SNTG1: variants seen among roughly 807,000 people sequenced by gnomAD.
SNTG1 encodes syntrophin gamma 1.
SNTG1 carries 39 observed loss-of-function variants against 74.7 expected under a neutral mutation model. The ratio of observed to expected loss-of-function variants is 0.52; its 90% CI spans 0.40 to 0.68. SNTG1 has a LOEUF of 0.68. Ranked by LOEUF, SNTG1 falls within the 30% of genes least tolerant of loss-of-function variation. SNTG1 has a pLI of 0.00. For synonymous variants in SNTG1, 254 were observed against 217.1 expected, an observed-to-expected ratio of 1.17 and a Z score of -1.49; for missense variants, 685 against 609.5, an observed-to-expected ratio of 1.12 and a Z score of -1.30.
chr8:50,389,118 C>T (rs1475120799), intron 2 of SNTG1, among the ~76,000 whole-genome samples: 2 of 152,076 alleles, frequency 1.3e-5, no homozygotes, highest in Non-Finnish European at 2.9e-5. Context: ...GCATGTGAGG[C>T]CTGTAGAGAA....
At chr8:50,076,419 A>G (rs1250117677) in intron 1 of SNTG1, among the ~76,000 whole-genome samples, 1 of 152,222 alleles carries the variant, frequency 6.6e-6, no homozygotes, top group Non-Finnish European at 1.5e-5. Context: ...TTCCAATGCA[A>G]TGAATTGGTC....
chr8:50,456,671 T>C (rs879323698), intron 8 of SNTG1, among the ~76,000 whole-genome samples: 1 of 152,120 alleles, frequency 6.6e-6, no homozygotes, highest in Admixed American at 6.5e-5. Context: ...ACCACCACAA[T>C]GGGGGTCAAG....
At chr8:50,489,854 T>A (rs2093835200) in intron 8 of SNTG1, among the ~76,000 whole-genome samples, 3 of 152,196 alleles carry the variant, frequency 2.0e-5, no homozygotes. Context: ...CATGCCTATG[T>A]CCTGACTGGT....
Position 50,438,612 on chromosome 8 carries a change from T to A in SNTG1, c.219+13T>A. On this transcript the variant is annotated intron_variant, in intron 5 of 18. Coordinates refer to ENST00000642720, the MANE Select transcript of SNTG1 (RefSeq NM_018967.5). The stretch of plus-strand genomic sequence containing the variant: ...ATTAAGCATAAAGGTAGCCTGCCTT[T>A]CTAGTCTATCCTTACAAAGGCCATG... The A allele has an allele frequency of 6.2e-7, 1 of 1,609,062 alleles. No homozygotes were observed. The highest frequency in any genetic ancestry group is 8.5e-7 in the Non-Finnish European group (1 of 1,175,996).
intron 15 of SNTG1, among the ~76,000 whole-genome samples, chr8:50,691,001 A>G (rs192692004): frequency 6.6e-6 from 1 of 152,328 alleles, no homozygotes; most frequent in East Asian, 1.9e-4. Flanking sequence ...ACCATTATGT[A>G]ACGGCCTTCT....
At chr8:49,938,651 T>TTC (rs1563371342) in intron 1 of SNTG1, among the ~76,000 whole-genome samples, 4 of 52,630 alleles carry the variant, frequency 7.6e-5, no homozygotes, top group African/African-American at 1.6e-4. Flanking sequence ...TTCCTTCCTC[T>TTC]CTCTCTCTCT....
intron 1 of SNTG1, among the ~76,000 whole-genome samples, chr8:49,935,460 A>G (rs111945196): frequency 6.4e-5 from 9 of 141,322 alleles, no homozygotes; most frequent in African/African-American, 1.6e-4. Flanking sequence ...GAAGAATTTT[A>G]CAAATGGGAA....
At chr8:50,420,602 A>G (rs2093069573) in intron 4 of SNTG1, among the ~76,000 whole-genome samples, 1 of 152,188 alleles carries the variant, frequency 6.6e-6, no homozygotes, top group African/African-American at 2.4e-5. Flanking sequence ...ATTAAAATAT[A>G]TGTAAATATA....
chr8:50,469,947 C>T lies in SNTG1; in HGVS notation c.363+19218C>T, dbSNP rs574845650. ...GAGCCAAGATGGTGCCACTGCACTC[C>T]AGCCTGGGCAAGAGAGAGGCTGTCT... On this transcript the variant is annotated intron_variant, in intron 8 of 18. Transcript: ENST00000642720. 9.8e-5 allele frequency among the ~76,000 whole-genome samples: 15 copies of T among 152,292 alleles called. No homozygotes were observed. The South Asian group carries it at 3.1e-3, about 32-fold the overall frequency.
intron 2 of SNTG1, among the ~76,000 whole-genome samples, chr8:50,336,724 T>C (rs1051003021): frequency 1.3e-5 from 2 of 152,200 alleles, no homozygotes; most frequent in Non-Finnish European, 2.9e-5. Flanking sequence ...ATAACAGATT[T>C]ATTGAATGTA....
chr8:50,481,337 C>T (rs538610454), intron 8 of SNTG1, among the ~76,000 whole-genome samples: 5 of 152,180 alleles, frequency 3.3e-5, no homozygotes, highest in African/African-American at 7.2e-5. Flanking sequence ...GCGGAGATCA[C>T]GCCATTGCAC....
At chr8:50,596,213 C>A (rs1316281982) in intron 13 of SNTG1, among the ~76,000 whole-genome samples, 1 of 151,926 alleles carries the variant, frequency 6.6e-6, no homozygotes, top group Admixed American at 6.6e-5. Context: ...TGATGTTGAG[C>A]ATCTTTTCAT....
intron 1 of SNTG1, among the ~76,000 whole-genome samples, chr8:49,928,780 A>C (rs1807286292): frequency 6.6e-6 from 1 of 152,134 alleles, no homozygotes; most frequent in Non-Finnish European, 1.5e-5. Context: ...AATATTTTTT[A>C]AATCAGAAAA....
chr8:50,064,414 G>T lies in SNTG1; in HGVS notation c.-102-108147G>T, dbSNP rs571159870. On this transcript the variant is annotated intron_variant, in intron 1 of 18. Coordinates refer to ENST00000642720, the MANE Select transcript of SNTG1 (RefSeq NM_018967.5). The stretch of plus-strand genomic sequence containing the variant: ...CCATCTCCTTCTGCTTACCTTGATG[G>T]CTCCCACCATCACTCCTACATAGAT... 1.6e-4 allele frequency among the ~76,000 whole-genome samples: 24 copies of T among 151,944 alleles called. No homozygotes were observed. In the East Asian group the frequency reaches 4.7e-3, roughly 30 times the overall value.
rs537086979 is a variant in SNTG1, at chr8:50,284,040, C to T, written c.-27-110172C>T. Among the ~76,000 whole-genome samples, 5 of 152,020 alleles carry T rather than the reference C, an allele frequency of 3.3e-5. No individual in the cohort carries two copies. In the South Asian group the frequency reaches 1.0e-3, roughly 32 times the overall value. ...TTAACTTAATGTTCTTGTCCCAGTC[C>T]ACGATGCCTTCCAGGATAACACATA... On this transcript the variant is annotated intron_variant, in intron 2 of 18. Coordinates refer to ENST00000642720, the MANE Select transcript of SNTG1 (RefSeq NM_018967.5).
intron 2 of SNTG1, among the ~76,000 whole-genome samples, chr8:50,206,066 C>T (rs2084218755): frequency 6.6e-6 from 1 of 152,068 alleles, no homozygotes; most frequent in Non-Finnish European, 1.5e-5. Context: ...TTTTTGGTTC[C>T]ATATGAACTT....
chr8:50,688,410 A>C (rs2095362413), intron 15 of SNTG1, among the ~76,000 whole-genome samples: 1 of 152,176 alleles, frequency 6.6e-6, no homozygotes, highest in Admixed American at 6.5e-5. Flanking sequence ...TAAGTCTTTA[A>C]TCCATCTTGA....
chr8:50,652,384 G>A (rs2131242662), intron 13 of SNTG1, among the ~76,000 whole-genome samples: 1 of 152,170 alleles, frequency 6.6e-6, no homozygotes. Context: ...ATGGCTTGAT[G>A]GATTTTTAAC....
intron 2 of SNTG1, among the ~76,000 whole-genome samples, chr8:50,275,196 A>C (rs2088022992): frequency 1.3e-5 from 2 of 152,180 alleles, no homozygotes; most frequent in Non-Finnish European, 1.5e-5. Flanking sequence ...ATTTTAAAAA[A>C]TTATTAGTTA....
Sources: gnomAD v4.1 joint callset for allele counts (sites outside exome capture counted in the v4.1 genomes callset) on GRCh38, gnomAD v4.1.1 for gene constraint, MANE v1.5 for transcripts, NCBI Gene and HGNC (gene_info 2026-07-23, HGNC 2026-07-21) for gene names.